Variants in CSRNP3 observed in about 807,000 individuals in gnomAD.
CSRNP3 encodes the protein cysteine/serine-rich nuclear protein 3.
CSRNP3 carries 12 observed loss-of-function variants against 48.0 expected under a neutral mutation model. The ratio of observed to expected loss-of-function variants is 0.25; its 90% CI spans 0.16 to 0.41. The LOEUF (loss-of-function observed/expected upper bound fraction) is 0.41, where lower values mean the gene tolerates loss of function less well. Ranked by LOEUF, CSRNP3 falls within the 10% of genes least tolerant of loss-of-function variation. CSRNP3 has a pLI of 1.00. For missense variants in CSRNP3, 580 were observed against 724.4 expected (o/e 0.80, Z 2.29); for synonymous variants, 263 against 269.7 (o/e 0.98, Z 0.24).
intron 5 of CSRNP3, among the ~76,000 whole-genome samples, chr2:165,664,312 T>C (rs986373882): frequency 1.3e-5 from 2 of 152,254 alleles, no homozygotes; most frequent in African/African-American, 4.8e-5. Context: ...AAACATATCC[T>C]ATGCTTTCTA....
intron 3 of CSRNP3, among the ~76,000 whole-genome samples, chr2:165,518,515 T>G (rs1558922782): frequency 6.6e-6 from 1 of 151,962 alleles, no homozygotes; most frequent in African/African-American, 2.4e-5. Context: ...CTAAGTTGTT[T>G]AGGATGATAT....
Position 165,474,539 on chromosome 2 carries a change from G to A in CSRNP3, c.-283+4799G>A, listed in dbSNP as rs777598688. On this transcript the variant is annotated intron_variant, in intron 1 of 6. Coordinates refer to ENST00000651982, the MANE Select transcript of CSRNP3 (RefSeq NM_001172173.2). ...ATTGCCCTAGAAACATGGGACTGCC[G>A]TGTAGAGAGAATTTCTTCCTGGATT... 5.3e-5 allele frequency among the ~76,000 whole-genome samples: 8 copies of A among 152,178 alleles called. No homozygotes were observed. In the East Asian group the frequency reaches 5.8e-4, roughly 11 times the overall value.
At chr2:165,539,438 C>A (rs930793) in intron 3 of CSRNP3, among the ~76,000 whole-genome samples, 76,395 of 151,730 alleles carry the variant, frequency 0.5, 19,478 homozygotes, top group East Asian at 0.67. Flanking sequence ...TAAAAGCTTC[C>A]TTTATTGTTT....
chr2:165,529,596 C>T (rs1684785747), intron 3 of CSRNP3, among the ~76,000 whole-genome samples: 1 of 152,164 alleles, frequency 6.6e-6, no homozygotes. Context: ...TATACTAATA[C>T]ATGATGTTAT....
intron 4 of CSRNP3, among the ~76,000 whole-genome samples, chr2:165,629,783 A>G (rs537618766): frequency 6.6e-6 from 1 of 152,354 alleles, no homozygotes; most frequent in South Asian, 2.1e-4. Flanking sequence ...ATGGTGGCCT[A>G]GCATTAATCC....
intron 2 of CSRNP3, among the ~76,000 whole-genome samples, chr2:165,508,770 C>T (rs1427536382): frequency 6.6e-6 from 1 of 152,128 alleles, no homozygotes; most frequent in Non-Finnish European, 1.5e-5. Context: ...TTTGTCATAG[C>T]TGTATTTTAG....
chr2:165,571,259 C>A (rs1685369445), intron 3 of CSRNP3, among the ~76,000 whole-genome samples: 1 of 151,790 alleles, frequency 6.6e-6, no homozygotes, highest in Admixed American at 6.6e-5. Context: ...TTCTTTGTTG[C>A]ACTTCGCATG....
intron 3 of CSRNP3, among the ~76,000 whole-genome samples, chr2:165,560,872 C>T (rs538818286): frequency 3.3e-5 from 5 of 152,122 alleles, no homozygotes; most frequent in East Asian, 1.9e-4. Flanking sequence ...TGTCTTTAAT[C>T]GCTTTAAACT....
chr2:165,672,602 C>A (rs1687349614), intron 5 of CSRNP3, among the ~76,000 whole-genome samples: 1 of 152,162 alleles, frequency 6.6e-6, no homozygotes. Context: ...GGGGACACAG[C>A]CAGACCATAT....
intron 3 of CSRNP3, among the ~76,000 whole-genome samples, chr2:165,561,630 C>T (rs1036818188): frequency 2.0e-5 from 3 of 152,114 alleles, no homozygotes. Context: ...CCAATGTTTA[C>T]AAAATTGCTG....
At chr2:165,511,237 C>T (rs1684501739) in intron 2 of CSRNP3, among the ~76,000 whole-genome samples, 1 of 152,098 alleles carries the variant, frequency 6.6e-6, no homozygotes, top group South Asian at 2.1e-4. Flanking sequence ...TGTAGAATTG[C>T]AGCTGAGGAA....
At chr2:165,665,084 C>T (rs1043273172) in intron 5 of CSRNP3, among the ~76,000 whole-genome samples, 2 of 152,116 alleles carry the variant, frequency 1.3e-5, no homozygotes, top group African/African-American at 4.8e-5. Flanking sequence ...AGGTCTTCAT[C>T]CAGGTTATGG....
chr2:165,534,324 C>T lies in CSRNP3; in HGVS notation c.-24+16363C>T, dbSNP rs185631451. 1.1e-4 allele frequency among the ~76,000 whole-genome samples: 17 copies of T among 152,016 alleles called. No individual in the cohort carries two copies. In the East Asian group the frequency reaches 3.1e-3, roughly 28 times the overall value. On this transcript the variant is annotated intron_variant, in intron 3 of 6. Coordinates refer to ENST00000651982, the MANE Select transcript of CSRNP3 (RefSeq NM_001172173.2). ...TTTGGTATCTATCTGTTTCTGAAGT[C>T]ATCTGAGTTTGTGACGTCTGCTTTA...
chr2:165,668,920 C>G (rs1357636076), intron 5 of CSRNP3, among the ~76,000 whole-genome samples: 1 of 152,182 alleles, frequency 6.6e-6, no homozygotes, highest in Non-Finnish European at 1.5e-5. Context: ...TAAGTTTGAT[C>G]TTCAACATCA....
At chr2:165,654,493 C>T (rs918768429) in intron 4 of CSRNP3, among the ~76,000 whole-genome samples, 10 of 152,116 alleles carry the variant, frequency 6.6e-5, no homozygotes, top group Non-Finnish European at 1.2e-4. Context: ...TTGAGAAAGC[C>T]GAATTGCTGT....
chr2:165,548,573 C>T (rs996898924), intron 3 of CSRNP3, among the ~76,000 whole-genome samples: 2 of 151,992 alleles, frequency 1.3e-5, no homozygotes, highest in East Asian at 1.9e-4. Context: ...TCACAAAGAT[C>T]GCAAACAAGA....
intron 2 of CSRNP3, among the ~76,000 whole-genome samples, chr2:165,496,963 A>C (rs1684291153): frequency 6.6e-6 from 1 of 151,980 alleles, no homozygotes; most frequent in Admixed American, 6.6e-5. Flanking sequence ...AACACCATCA[A>C]GCCTTACAAT....
intron 4 of CSRNP3, among the ~76,000 whole-genome samples, chr2:165,656,213 A>C (rs971999791): frequency 6.6e-6 from 1 of 152,242 alleles, no homozygotes; most frequent in Non-Finnish European, 1.5e-5. Flanking sequence ...ACATCAAAAA[A>C]AGTCACTCAA....
intron 3 of CSRNP3, among the ~76,000 whole-genome samples, chr2:165,558,092 A>G (rs1400231723): frequency 6.6e-6 from 1 of 152,200 alleles, no homozygotes; most frequent in Non-Finnish European, 1.5e-5. Flanking sequence ...AAAAGCCACT[A>G]ACAATGTAAA....
Sources: allele counts gnomAD v4.1 joint callset (sites outside exome capture counted in the v4.1 genomes callset), GRCh38; gene constraint gnomAD v4.1.1; transcripts MANE v1.5; gene names NCBI Gene and HGNC (gene_info 2026-07-23, HGNC 2026-07-21).